PRDM13: variants seen among roughly 807,000 people sequenced by gnomAD.
PRDM13 encodes the protein PR domain zinc finger protein 13.
Under a neutral mutation model 36.4 loss-of-function variants are expected in PRDM13, and 15 were observed. That is an observed-to-expected ratio of 0.41 (90% confidence interval 0.28 to 0.64). The LOEUF (loss-of-function observed/expected upper bound fraction) is 0.64, where lower values mean the gene tolerates loss of function less well. Among genes scored for constraint, PRDM13 ranks in the 30% least tolerant of loss-of-function variants. PRDM13 has a pLI of 0.29. For missense variants in PRDM13, 1,044 were observed against 1,013.5 expected (o/e 1.03, Z -0.41); for synonymous variants, 531 against 467.7 (o/e 1.14, Z -1.75).
At position 99,614,415 on chromosome 6, in the gene PRDM13, A is replaced by G; in HGVS notation, c.1780A>G (p.Thr594Ala). The change falls in exon 4 of 4, where the codon ACG (threonine) becomes GCG (alanine). Residue 594 changes from threonine to alanine, a missense_variant. Thr to Ala is a moderately conservative substitution (Grantham distance 58, BLOSUM62 0). Transcript: ENST00000369215. Reference protein sequence around the residue: ...RKYGLKIHMRTHTGYKPLKCK... With the variant: ...RKYGLKIHMRAHTGYKPLKCK... Reference sequence around the variant, plus strand: ...GTATGGGCTCAAGATCCACATGCGGACGCACACGGGCTACAAGCCACTCAA... The same window carrying G: ...GTATGGGCTCAAGATCCACATGCGGGCGCACACGGGCTACAAGCCACTCAA... 6.2e-7 allele frequency: 1 copy of G among 1,613,460 alleles called. No individual in the cohort carries two copies. The highest frequency in any genetic ancestry group is 8.5e-7 in the Non-Finnish European group (1 of 1,179,992).
chr6:99,613,476 G>T lies in PRDM13; in HGVS notation c.841G>T (p.Gly281Trp). The T allele has an allele frequency of 1.3e-6, 2 of 1,531,982 alleles. No individual in the cohort carries two copies. The allele number at this position is 1,531,982 out of a possible 1,614,324, so 94.9% of individuals were successfully genotyped here. A position where few individuals can be genotyped will look rare whatever the true frequency, so the allele number is the denominator to read the frequency against. The change falls in exon 4 of 4, where the codon GGG (glycine) becomes TGG (tryptophan). Residue 281 changes from glycine (G) to tryptophan (W), a missense_variant. Gly to Trp is a radical substitution (Grantham distance 184, BLOSUM62 -2). Coordinates refer to ENST00000369215, the MANE Select transcript of PRDM13 (RefSeq NM_021620.4). The surrounding 1 kb of genome is among the most constrained non-coding windows in gnomAD (Gnocchi z 6.1). ...CGGCATCGTGGGCGGCTCCTCGGCGGGGGTCGGCAGCCTGGCTTTCTACCC... is the reference window on the plus strand; with the variant it reads ...CGGCATCGTGGGCGGCTCCTCGGCGTGGGTCGGCAGCCTGGCTTTCTACCC... Reference protein sequence around the residue: ...FLGIVGGSSAGVGSLAFYPGV... With the variant: ...FLGIVGGSSAWVGSLAFYPGV...
Position 99,614,597 on chromosome 6 carries a change from T to C in PRDM13, c.1962T>C (p.Pro654=). 6.2e-7 allele frequency: 1 copy of C among 1,612,602 alleles called. No individual in the cohort carries two copies. Among genetic ancestry groups the C allele is most frequent in the Non-Finnish European group, 8.5e-7 (1 of 1,179,838 alleles). ...DLERHVKSRH[P]GQSLLAKAGD... is the part of the protein sequence containing the mutation. ...AGCGACATGTCAAGTCCCGCCACCC[T>C]GGCCAGAGTCTGCTCGCCAAAGCGG... The change falls in exon 4 of 4, where the codon CCT becomes CCC. Residue 654 remains proline (P), a synonymous_variant. Transcript: ENST00000369215.
Position 99,609,205 on chromosome 6 carries a change from C to G in PRDM13, c.295C>G (p.Arg99Gly). 6.2e-6 allele frequency: 10 copies of G among 1,613,528 alleles called. No individual in the cohort carries two copies. Among genetic ancestry groups the G allele is most frequent in the Non-Finnish European group, 8.5e-6 (10 of 1,179,602 alleles). Residue 99 changes from arginine (R) to glycine (G), a missense_variant, in exon 3 of 4, where the codon CGA (arginine) becomes GGA (glycine). Physicochemically the swap from Arg to Gly is moderately radical, Grantham distance 125. Transcript: ENST00000369215. ...GTCCCAGATCTTCTACCGAGCATTGCGAGACGTCCAGCCAGGGGAGGAGCT... is the reference window on the plus strand; with the variant it reads ...GTCCCAGATCTTCTACCGAGCATTGGGAGACGTCCAGCCAGGGGAGGAGCT... Reference protein sequence around the residue: ...PGGQIFYRALRDVQPGEELTV... With the variant: ...PGGQIFYRALGDVQPGEELTV...
rs550792294 is a variant in PRDM13 at position 99,613,929 on chromosome 6, G to A, written c.1294G>A (p.Glu432Lys). The change falls in exon 4 of 4, where the codon GAG (glutamate) becomes AAG (lysine). Residue 432 changes from glutamate to lysine, a missense_variant. Coordinates refer to ENST00000369215, the MANE Select transcript of PRDM13 (RefSeq NM_021620.4). This position sits in a 1 kb window ranked among gnomAD's most constrained non-coding sequence, Gnocchi z 6.1. ...GCCCCCTGCGCCGGGGTTGCCCCTC[G>A]AGCGCTGCGCGCTGCCGCCCCTCGA... ...QLPPAPGLPLERCALPPLDPG... is the reference protein window; with the variant it reads ...QLPPAPGLPLKRCALPPLDPG... 1.3e-6 allele frequency: 2 copies of A among 1,587,608 alleles called. No individual in the cohort carries two copies. Among genetic ancestry groups the A allele is most frequent in the African/African-American group, 1.4e-5 (1 of 71,816 alleles).
In PRDM13 at chr6:99,609,267, C is replaced by T. The variant is rs1562507779; in HGVS notation, c.357C>T (p.Phe119=). The change falls in exon 3 of 4, where the codon TTC becomes TTT. Residue 119 remains phenylalanine, a synonymous_variant. Transcript: ENST00000369215. ...ATTCTAACTCCTTGGCTCAGTGGTT[C>T]GACATCCCCACCACAGCGACTCCGA... ...VWYSNSLAQW[F]DIPTTATPTH... The T allele has an allele frequency of 3.7e-6, 6 of 1,613,958 alleles. No individual in the cohort carries two copies. Among genetic ancestry groups the T allele is most frequent in the Admixed American group, 1.7e-5 (1 of 60,014 alleles).
chr6:99,607,322 C>T (rs1277790023), intron 1 of PRDM13, 144 bp downstream of exon 1: 17 of 1,225,104 alleles, frequency 1.4e-5, no homozygotes, highest in Non-Finnish European at 1.9e-5. Flanking sequence ...TCCTATTATT[C>T]TGAGCAAGTA....
intron 1 of PRDM13, 118 bp downstream of exon 1, chr6:99,607,296 C>G: frequency 7.0e-7 from 1 of 1,418,678 alleles, no homozygotes; most frequent in Non-Finnish European, 9.5e-7. Flanking sequence ...GCTAATTCTG[C>G]CGGGTGGAAG....
At chr6:99,607,251 G>C (rs775448248) in intron 1 of PRDM13, 73 bp downstream of exon 1, 11 of 1,574,442 alleles carry the variant, frequency 7.0e-6, no homozygotes, top group Non-Finnish European at 9.5e-6. Context: ...GGGTACGAGA[G>C]AAAGTGGAGG....
Position 99,609,300 on chromosome 6 carries a change from C to T in PRDM13, c.390C>T (p.Asp130=), listed in dbSNP as rs1326656051. ...CCACCACAGCGACTCCGACTCACGA[C>T]GAGAAAGGTACCCATTCCAAAAGCG... is the stretch of plus-strand genomic sequence containing the variant. ...DIPTTATPTH[D]EKGEERYICW... Residue 130 remains aspartate, a synonymous_variant, in exon 3 of 4, where the codon GAC becomes GAT. Coordinates refer to ENST00000369215, the MANE Select transcript of PRDM13 (RefSeq NM_021620.4). 2 of 1,614,010 alleles carry T rather than the reference C, an allele frequency of 1.2e-6. No individual in the cohort carries two copies. Among genetic ancestry groups the T allele is most frequent in the South Asian group, 1.1e-5 (1 of 91,062 alleles).
Position 99,609,268 on chromosome 6 carries a change from G to A in PRDM13, c.358G>A (p.Asp120Asn), listed in dbSNP as rs774871635. 3 of 1,613,812 alleles carry A rather than the reference G, an allele frequency of 1.9e-6. No individual in the cohort carries two copies. Among genetic ancestry groups the A allele is most frequent in the African/African-American group, 2.7e-5 (2 of 74,856 alleles). The change falls in exon 3 of 4, where the codon GAC becomes AAC. Residue 120 changes from aspartate to asparagine, a missense_variant. Physicochemically the swap from Asp to Asn is conservative, Grantham distance 23 (BLOSUM62 1). Coordinates refer to ENST00000369215, the MANE Select transcript of PRDM13 (RefSeq NM_021620.4). ...TTCTAACTCCTTGGCTCAGTGGTTC[G>A]ACATCCCCACCACAGCGACTCCGAC... ...WYSNSLAQWF[D>N]IPTTATPTHD...
In PRDM13 at chr6:99,614,221, T is replaced by A. The variant is rs764299410; in HGVS notation, c.1586T>A (p.Leu529Gln). The A allele has an allele frequency of 1.1e-5, 17 of 1,608,936 alleles. No homozygotes were observed. Among genetic ancestry groups the A allele is most frequent in the Middle Eastern group, 3.3e-4 (2 of 6,054 alleles). ...GAGATCGCCATGCACAATCAGCAGCTGTCCGAGATGGCTGCCGGGAAGGGT... is the reference window on the plus strand; with the variant it reads ...GAGATCGCCATGCACAATCAGCAGCAGTCCGAGATGGCTGCCGGGAAGGGT... Reference protein sequence around the residue: ...DREIAMHNQQLSEMAAGKGRG... With the variant: ...DREIAMHNQQQSEMAAGKGRG... Residue 529 changes from leucine (L) to glutamine (Q), a missense_variant, in exon 4 of 4, where the codon CTG (leucine) becomes CAG (glutamine). By Grantham distance (113) the Leu-to-Gln change is moderately radical. This residue lies in a region of PRDM13 where 921 missense variants were observed against 865.2 expected (regional missense o/e 1.06). Transcript: ENST00000369215.
Position 99,613,309 on chromosome 6 carries a change from A to G in PRDM13, c.674A>G (p.Glu225Gly), listed in dbSNP as rs1215781217. Residue 225 changes from glutamate (E) to glycine (G), a missense_variant, in exon 4 of 4, where the codon GAG becomes GGG. Coordinates refer to ENST00000369215, the MANE Select transcript of PRDM13 (RefSeq NM_021620.4). The surrounding 1 kb of genome is among the most constrained non-coding windows in gnomAD (Gnocchi z 6.1). ...PPPVQACGAR[E>G]GIKREASSAP... is the part of the protein sequence containing the mutation. ...CCAGTTCAGGCCTGCGGTGCGCGGG[A>G]GGGCATCAAGCGCGAGGCCTCTTCC... 1 of 1,567,618 alleles carries G rather than the reference A, an allele frequency of 6.4e-7. No homozygotes were observed. Among genetic ancestry groups the G allele is most frequent in the African/African-American group, 1.4e-5 (1 of 73,966 alleles).
At chr6:99,607,742 G>A (rs1384015297) in intron 1 of PRDM13, among the ~76,000 whole-genome samples, 5 of 152,186 alleles carry the variant, frequency 3.3e-5, no homozygotes, top group Non-Finnish European at 7.4e-5. Context: ...TATGGAGAGA[G>A]GATGAGCAAG....
rs1162532880 is a variant in PRDM13 at position 99,606,857 on chromosome 6, G to T, written c.-178G>T. ...AACTCCGCGCCCTTGCGCTAGCGGTGCCAAAAGGCTCCCGCCCCGATTGAA... is the reference window on the plus strand; with the variant it reads ...AACTCCGCGCCCTTGCGCTAGCGGTTCCAAAAGGCTCCCGCCCCGATTGAA... On this transcript the variant is annotated 5_prime_UTR_variant, in exon 1 of 4. Coordinates refer to ENST00000369215, the MANE Select transcript of PRDM13 (RefSeq NM_021620.4). 2.4e-6 allele frequency: 2 copies of T among 826,080 alleles called. No homozygotes were observed. The highest frequency in any genetic ancestry group is 3.6e-6 in the Non-Finnish European group (2 of 560,510). 51.2% of individuals were successfully genotyped at this position (826,080 alleles called of 1,614,324 possible). A position where few individuals can be genotyped will look rare whatever the true frequency, so the allele number is the denominator to read the frequency against.
chr6:99,613,438 A>C lies in PRDM13; in HGVS notation c.803A>C (p.Gln268Pro), dbSNP rs1282210239. The change falls in exon 4 of 4, where the codon CAA (glutamine) becomes CCA (proline). Residue 268 changes from glutamine to proline, a missense_variant. Physicochemically the swap from Gln to Pro is moderately conservative, Grantham distance 76. Coordinates refer to ENST00000369215, the MANE Select transcript of PRDM13 (RefSeq NM_021620.4). This position sits in a 1 kb window ranked among gnomAD's most constrained non-coding sequence, Gnocchi z 6.1. ...GACATGAGCGGAGCCGCCCGAGGACAAGGGCACTTCCTCGGCATCGTGGGC... is the reference window on the plus strand; with the variant it reads ...GACATGAGCGGAGCCGCCCGAGGACCAGGGCACTTCCTCGGCATCGTGGGC... Reference protein sequence around the residue: ...ALDMSGAARGQGHFLGIVGGS... With the variant: ...ALDMSGAARGPGHFLGIVGGS... 1 of 1,548,660 alleles carries C rather than the reference A, an allele frequency of 6.5e-7. No homozygotes were observed. The highest frequency in any genetic ancestry group is 2.4e-5 in the East Asian group (1 of 41,880).
rs1484057445 is a variant in PRDM13 at position 99,614,275 on chromosome 6, C to T, written c.1640C>T (p.Pro547Leu). The part of the protein sequence containing the change: ...GRGRLDSGTL[P>L]PAVAAAGGTG... ...GGACGCCTGGACTCGGGGACGTTGCCACCGGCCGTCGCGGCGGCGGGAGGC... is the reference window on the plus strand; with the variant it reads ...GGACGCCTGGACTCGGGGACGTTGCTACCGGCCGTCGCGGCGGCGGGAGGC... The change falls in exon 4 of 4, where the codon CCA (proline) becomes CTA (leucine). Residue 547 changes from proline (P) to leucine (L), a missense_variant. By Grantham distance (98) the Pro-to-Leu change is moderately conservative. Transcript: ENST00000369215. 6.2e-7 allele frequency: 1 copy of T among 1,607,038 alleles called. No homozygotes were observed. The highest frequency in any genetic ancestry group is 1.3e-5 in the African/African-American group (1 of 74,886).
At chr6:99,607,402 C>G (rs1199591088) in intron 1 of PRDM13, among the ~76,000 whole-genome samples, 1 of 152,128 alleles carries the variant, frequency 6.6e-6, no homozygotes, top group East Asian at 1.9e-4. Context: ...GGCGACAGCC[C>G]TGGGTGGGGT....
In PRDM13 at chr6:99,614,438, C is replaced by T; in HGVS notation, c.1803C>T (p.Leu601=). ...HMRTHTGYKP[L]KCKVCLRPFG... Reference sequence around the variant, plus strand: ...GGACGCACACGGGCTACAAGCCACTCAAGTGCAAAGTCTGTCTGCGGCCCT... The same window carrying T: ...GGACGCACACGGGCTACAAGCCACTTAAGTGCAAAGTCTGTCTGCGGCCCT... Residue 601 remains leucine, a synonymous_variant, in exon 4 of 4, where the codon CTC becomes CTT. Coordinates refer to ENST00000369215, the MANE Select transcript of PRDM13 (RefSeq NM_021620.4). The T allele has an allele frequency of 1.2e-6, 2 of 1,613,648 alleles. No homozygotes were observed. The highest frequency in any genetic ancestry group is 1.3e-5 in the African/African-American group (1 of 75,070).
intron 3 of PRDM13, among the ~76,000 whole-genome samples, chr6:99,610,286 T>C (rs920535230): frequency 6.6e-6 from 1 of 152,226 alleles, no homozygotes; most frequent in African/African-American, 2.4e-5. Flanking sequence ...TGAAGAACAC[T>C]TCCTGTGGAA....
Sources: allele counts gnomAD v4.1 joint callset (sites outside exome capture counted in the v4.1 genomes callset), GRCh38; gene constraint gnomAD v4.1.1; regional missense constraint gnomAD v4.1.1; non-coding constraint Gnocchi (gnomAD v3.1); transcripts MANE v1.5; gene names NCBI Gene and HGNC (gene_info 2026-07-23, HGNC 2026-07-21).